The following ASAH2 variants were observed in gnomAD, a reference collection of about 807,000 sequenced individuals.
ASAH2 encodes the protein N-acylsphingosine amidohydrolase 2, also known as neutral ceramidase.
ASAH2 carries 58 observed loss-of-function variants against 82.9 expected under a neutral mutation model. The observed-to-expected ratio is 0.70, with a 90% confidence interval of 0.57 to 0.87. The LOEUF is 0.87. ASAH2 is among the 40% of genes least tolerant of loss of function. The pLI is 0.00. For synonymous variants in ASAH2, 276 were observed against 289.7 expected (o/e 0.95, Z 0.48); for missense variants, 779 against 834.0 (o/e 0.93, Z 0.81).
At chr10:50,197,004 T>G in intron 17 of ASAH2, 85 bp from the exon 18 acceptor site, 1 of 1,379,220 alleles carries the variant, frequency 7.3e-7, no homozygotes. Flanking sequence ...AATGCCTGCA[T>G]TAATGGAAGA....
chr10:50,236,926 G>A (rs1323736815), intron 4 of ASAH2, among the ~76,000 whole-genome samples: 1 of 151,964 alleles, frequency 6.6e-6, no homozygotes, highest in Non-Finnish European at 1.5e-5. Context: ...TTTTTCTAAT[G>A]AAAGACAAAG....
chr10:50,220,899 T>A (rs1845727344), intron 7 of ASAH2, among the ~76,000 whole-genome samples: 1 of 150,552 alleles, frequency 6.6e-6, no homozygotes, highest in Non-Finnish European at 1.5e-5. Flanking sequence ...AGAGTCTTGC[T>A]AATTATTGAA....
At chr10:50,236,638 T>G (rs990916411) in intron 4 of ASAH2, among the ~76,000 whole-genome samples, 1 of 152,158 alleles carries the variant, frequency 6.6e-6, no homozygotes, top group Non-Finnish European at 1.5e-5. Context: ...TTTTATAGAT[T>G]CTTACTATAA....
At chr10:50,231,947 C>A (rs1650912966) in intron 7 of ASAH2, among the ~76,000 whole-genome samples, 1 of 152,078 alleles carries the variant, frequency 6.6e-6, no homozygotes, top group Non-Finnish European at 1.5e-5. Flanking sequence ...CTCAGACAAC[C>A]CTATGGGGTA....
At chr10:50,214,593 G>T in intron 9 of ASAH2, 150 bp downstream of exon 9, 1 of 941,850 alleles carries the variant, frequency 1.1e-6, no homozygotes, top group Non-Finnish European at 1.7e-6. Context: ...TACTGGGTTT[G>T]GACAGGTGCT....
intron 5 of ASAH2, among the ~76,000 whole-genome samples, chr10:50,235,005 T>C (rs1395387097): frequency 6.6e-6 from 1 of 152,134 alleles, no homozygotes; most frequent in Admixed American, 6.6e-5. Flanking sequence ...CAGTGAGAGA[T>C]ACATTTTTCA....
At chr10:50,204,756 G>T (rs1845249942) in intron 14 of ASAH2, 105 bp downstream of exon 14, 2 of 897,866 alleles carry the variant, frequency 2.2e-6, no homozygotes, top group Admixed American at 2.0e-5. Flanking sequence ...AGTACAGTAG[G>T]ATACCAAGGG....
intron 4 of ASAH2, among the ~76,000 whole-genome samples, 200 bp from the exon 5 acceptor site, chr10:50,236,264 T>C (rs1846156383): frequency 6.6e-6 from 1 of 152,116 alleles, no homozygotes; most frequent in African/African-American, 2.4e-5. Flanking sequence ...TCAGCATGAC[T>C]GGGGAGGCCT....
At chr10:50,246,768 G>A (rs2060562) in intron 2 of ASAH2, among the ~76,000 whole-genome samples, 43,992 of 152,016 alleles carry the variant, frequency 0.29, 6,612 homozygotes, top group Non-Finnish European at 0.31. Context: ...TTCCCAAGCC[G>A]AGATTTTCTT....
At chr10:50,220,569 G>C (rs1393381952) in intron 7 of ASAH2, among the ~76,000 whole-genome samples, 3 of 152,100 alleles carry the variant, frequency 2.0e-5, no homozygotes, top group African/African-American at 7.2e-5. Context: ...ACTTATAAGT[G>C]GGAACTGAAT....
intron 8 of ASAH2, among the ~76,000 whole-genome samples, chr10:50,215,592 C>T (rs1044803590): frequency 8.5e-5 from 13 of 152,238 alleles, no homozygotes; most frequent in African/African-American, 1.7e-4. Context: ...TCAGGTTTGT[C>T]GAAGATCAGA....
At position 50,202,833 on chromosome 10, in the gene ASAH2, T is replaced by C; in HGVS notation, c.1757A>G (p.Tyr586Cys). Reference protein sequence around the residue: ...YTHYITTYEEYQAQRYEAAST... With the variant: ...YTHYITTYEECQAQRYEAAST... ...GATGAAAACGTTTTGCTTTACCTGG[T>C]ATTCTTCATAAGTGGTAATGTAATG... Residue 586 changes from tyrosine (Y) to cysteine (C), a missense_variant, in exon 16 of 21, where the codon TAC (tyrosine) becomes TGC (cysteine). Transcript: ENST00000682911. The C allele has an allele frequency of 6.3e-7, 1 of 1,599,896 alleles. No homozygotes were observed. Among genetic ancestry groups the C allele is most frequent in the Non-Finnish European group, 8.6e-7 (1 of 1,167,522 alleles).
At chr10:50,223,618 T>C (rs1444361421) in intron 7 of ASAH2, among the ~76,000 whole-genome samples, 1 of 152,200 alleles carries the variant, frequency 6.6e-6, no homozygotes, top group Non-Finnish European at 1.5e-5. Flanking sequence ...TAGGAGGCTG[T>C]AATGGGTTGA....
chr10:50,234,307 T>A, intron 6 of ASAH2, 118 bp downstream of exon 6: 3 of 1,401,718 alleles, frequency 2.1e-6, no homozygotes, highest in Non-Finnish European at 2.0e-6. Flanking sequence ...TAAGATATCA[T>A]AGCTGTAATA....
intron 7 of ASAH2, among the ~76,000 whole-genome samples, chr10:50,229,545 A>G (rs1386296009): frequency 6.6e-6 from 1 of 152,064 alleles, no homozygotes; most frequent in Non-Finnish European, 1.5e-5. Flanking sequence ...GACAGCCCCA[A>G]CTCCCAACCC....
chr10:50,234,646 T>C, intron 5 of ASAH2, 94 bp from the exon 6 acceptor site: 1 of 1,566,734 alleles, frequency 6.4e-7, no homozygotes. Context: ...CTGTGAACAA[T>C]TTCCTTTGTC....
At chr10:50,200,698 T>G (rs1845123824) in intron 16 of ASAH2, among the ~76,000 whole-genome samples, 1 of 152,078 alleles carries the variant, frequency 6.6e-6, no homozygotes, top group Non-Finnish European at 1.5e-5. Context: ...CAGATTCTTT[T>G]CATCATTATG....
In ASAH2 at chr10:50,203,032, T is replaced by A. The variant is rs1178412326; in HGVS notation, c.1666-108A>T. The A allele has an allele frequency of 3.7e-6, 3 of 818,500 alleles. No individual in the cohort carries two copies. In the Admixed American group the frequency reaches 6.5e-5, roughly 18 times the overall value. The allele number at this position is 818,500 out of a possible 1,614,324, so 50.7% of individuals were successfully genotyped here. A position where few individuals can be genotyped will look rare whatever the true frequency, so the allele number is the denominator to read the frequency against. On this transcript the variant is annotated intron_variant, in intron 15 of 20. Coordinates refer to ENST00000682911, the MANE Select transcript of ASAH2 (RefSeq NM_019893.4). ...TTGATTACACTATTAGTTTAAGATA[T>A]TTTTCTTAATAAAATTTTTCTAACT... is the stretch of plus-strand genomic sequence containing the variant.
intron 1 of ASAH2, among the ~76,000 whole-genome samples, chr10:50,250,937 T>C (rs1160601249): frequency 6.6e-6 from 1 of 152,194 alleles, no homozygotes; most frequent in Non-Finnish European, 1.5e-5. Context: ...CACAGTAACA[T>C]TCTTTTTGAA....
Sources: gnomAD v4.1 joint callset for allele counts (sites outside exome capture counted in the v4.1 genomes callset) on GRCh38, gnomAD v4.1.1 for gene constraint, MANE v1.5 for transcripts, NCBI Gene and HGNC (gene_info 2026-07-23, HGNC 2026-07-21) for gene names.